DLC1: variants seen among roughly 807,000 people sequenced by gnomAD.
The protein encoded by DLC1 is DLC1 Rho GTPase activating protein.
DLC1 carries 54 observed loss-of-function variants against 140.3 expected under a neutral mutation model. That is an observed-to-expected ratio of 0.38 (90% CI 0.31 to 0.48). The LOEUF is 0.48. Ranked by LOEUF, DLC1 falls within the 20% of genes least tolerant of loss-of-function variation. DLC1 has a pLI of 0.96. For synonymous variants in DLC1, 986 were observed against 728.1 expected (o/e 1.35, Z -5.70); for missense variants, 2,536 against 1,907.0 (o/e 1.33, Z -6.14).
At chr8:13,160,806 C>A (rs1343821961) in intron 5 of DLC1, among the ~76,000 whole-genome samples, 1 of 152,176 alleles carries the variant, frequency 6.6e-6, no homozygotes, top group African/African-American at 2.4e-5. Context: ...GAAGGTGGAG[C>A]CGGGCGTGGT....
chr8:13,196,811 G>A (rs978792918), intron 5 of DLC1, among the ~76,000 whole-genome samples: 1 of 152,138 alleles, frequency 6.6e-6, no homozygotes, highest in African/African-American at 2.4e-5. Context: ...TTATAATCAT[G>A]GCTTCAAATG....
Position 13,114,956 on chromosome 8 carries a change from C to G in DLC1, c.1420+630G>C, listed in dbSNP as rs189252101. 2.5e-3 allele frequency among the ~76,000 whole-genome samples: 378 copies of G among 152,254 alleles called. 3 individuals are homozygous for G. The highest frequency in any genetic ancestry group is 8.3e-3 in the African/African-American group (346 of 41,536). The stretch of plus-strand genomic sequence containing the variant: ...TTGAACATACATATTCTTTATTACC[C>G]AGTAATTCTGTTCCTAGGGATAGAA... On this transcript the variant is annotated intron_variant, in intron 6 of 17. Transcript: ENST00000276297.
intron 1 of DLC1, among the ~76,000 whole-genome samples, chr8:13,537,929 C>T (rs1803344479): frequency 6.6e-6 from 1 of 152,124 alleles, no homozygotes; most frequent in African/African-American, 2.4e-5. Flanking sequence ...TCTGGGATTA[C>T]AGGCGTGAGC....
intron 1 of DLC1, among the ~76,000 whole-genome samples, chr8:13,505,558 G>A (rs1471530593): frequency 6.6e-6 from 1 of 152,112 alleles, no homozygotes; most frequent in Non-Finnish European, 1.5e-5. Context: ...GCATAAACAC[G>A]ACTGCAGTTC....
At chr8:13,328,134 A>G (rs12680249) in intron 4 of DLC1, among the ~76,000 whole-genome samples, 46,437 of 152,062 alleles carry the variant, frequency 0.31, 7,961 homozygotes, top group Non-Finnish European at 0.4. Flanking sequence ...GTTGATGCTA[A>G]TAAGCACTGA....
At chr8:13,229,266 C>G (rs1304713627) in intron 5 of DLC1, among the ~76,000 whole-genome samples, 2 of 152,108 alleles carry the variant, frequency 1.3e-5, no homozygotes, top group African/African-American at 2.4e-5. Context: ...CAAAGAAATA[C>G]AATATTGATC....
chr8:13,443,681 AG>A (rs1798647915), intron 2 of DLC1, among the ~76,000 whole-genome samples: 1 of 151,762 alleles, frequency 6.6e-6, no homozygotes, highest in Non-Finnish European at 1.5e-5. Flanking sequence ...AAAAAGAAAA[AG>A]AAAAAAACAG....
At chr8:13,091,233 T>C (rs1426419183) in intron 14 of DLC1, 85 bp downstream of exon 14, 1 of 1,328,128 alleles carries the variant, frequency 7.5e-7, no homozygotes, top group East Asian at 2.3e-5. Flanking sequence ...GGTCTTCAGG[T>C]AAGACATGAA....
intron 1 of DLC1, among the ~76,000 whole-genome samples, chr8:13,507,887 T>G (rs1250096603): frequency 6.6e-6 from 1 of 152,206 alleles, no homozygotes; most frequent in Non-Finnish European, 1.5e-5. Flanking sequence ...AGGTTTAGTC[T>G]TTAGAAGAAA....
At chr8:13,193,888 T>G (rs1219104707) in intron 5 of DLC1, among the ~76,000 whole-genome samples, 1 of 152,202 alleles carries the variant, frequency 6.6e-6, no homozygotes, top group Non-Finnish European at 1.5e-5. Context: ...AGCACCTATT[T>G]TGGTAACTTT....
chr8:13,487,631 T>C (rs1299962874), intron 2 of DLC1, among the ~76,000 whole-genome samples: 1 of 151,670 alleles, frequency 6.6e-6, no homozygotes, highest in African/African-American at 2.4e-5. Flanking sequence ...TGGAGTGCAA[T>C]GGCGTGAGTT....
chr8:13,276,644 CAGCACAGCTATCCGG>C, intron 5 of DLC1: 1 of 1,179,880 alleles, frequency 8.5e-7, no homozygotes, highest in South Asian at 3.6e-5. Context: ...GCGCGAGCTG[CAGCACAGCTATCCGG>C]AGGCGTCTCG....
At chr8:13,113,751 C>G (rs1820308469) in intron 6 of DLC1, among the ~76,000 whole-genome samples, 2 of 152,148 alleles carry the variant, frequency 1.3e-5, no homozygotes. Flanking sequence ...AAACTTCTCT[C>G]TAAAGGAAAG....
rs371383414 is a variant in DLC1, at chr8:13,520,651, T to TAA, written c.-125-20457_-125-20456dup. On this transcript the variant is annotated intron_variant, in intron 1 of 1. Coordinates refer to the DLC1 transcript ENST00000631382. ...AAAAGAAAAAAAGAAACTTAGCAAA[T>TAA]AAAAAAAATATTGACACAGACAAGA... Among the ~76,000 whole-genome samples, 954 of 151,592 alleles carry TAA rather than the reference T, an allele frequency of 6.3e-3. 10 individuals carry two copies. The highest frequency in any genetic ancestry group is 0.022 in the African/African-American group (899 of 41,276).
At chr8:13,519,386 C>A (rs112872556), upstream of DLC1, among the ~76,000 whole-genome samples, 77 of 152,276 alleles carry the variant, frequency 5.1e-4, no homozygotes, top group Middle Eastern at 3.4e-3. Context: ...CCTTGGCCTC[C>A]CAAAGTGCTG....
chr8:13,238,460 C>T (rs1411062479), intron 5 of DLC1, among the ~76,000 whole-genome samples: 1 of 151,934 alleles, frequency 6.6e-6, no homozygotes, highest in Non-Finnish European at 1.5e-5. Flanking sequence ...CTGCAGTGAG[C>T]CACGTTCACG....
At chr8:13,416,229 A>G (rs866090134) in intron 2 of DLC1, among the ~76,000 whole-genome samples, 19 of 152,282 alleles carry the variant, frequency 1.2e-4, no homozygotes, top group Admixed American at 1.0e-3. Context: ...AAATTTGCTC[A>G]TAGAACTTGT....
At chr8:13,169,183 T>C (rs1203660177) in intron 5 of DLC1, among the ~76,000 whole-genome samples, 1 of 152,250 alleles carries the variant, frequency 6.6e-6, no homozygotes, top group Non-Finnish European at 1.5e-5. Context: ...TACTCATTTT[T>C]AACCTTTGAT....
At chr8:13,345,989 C>T (rs967113082) in intron 4 of DLC1, among the ~76,000 whole-genome samples, 4 of 152,140 alleles carry the variant, frequency 2.6e-5, no homozygotes, top group Non-Finnish European at 4.4e-5. Flanking sequence ...AACTTTGTTA[C>T]TGGAAGTTTT....
Sources: gnomAD v4.1 joint callset for allele counts (sites outside exome capture counted in the v4.1 genomes callset) on GRCh38, gnomAD v4.1.1 for gene constraint, MANE v1.5 for transcripts, NCBI Gene and HGNC (gene_info 2026-07-23, HGNC 2026-07-21) for gene names.